CLRN1: variants seen among roughly 807,000 people sequenced by gnomAD.
CLRN1 encodes clarin 1.
Under a neutral mutation model 18.7 loss-of-function variants are expected in CLRN1, and 15 were observed. The ratio of observed to expected loss-of-function variants is 0.80; its 90% CI spans 0.54 to 1.23. The LOEUF is 1.23. Ranked by LOEUF, CLRN1 falls within the 50% of genes most tolerant of loss-of-function variation. The pLI, the probability that CLRN1 is intolerant of heterozygous loss-of-function variation, is 0.00. For synonymous variants in CLRN1, 104 were observed against 102.9 expected, an observed-to-expected ratio of 1.01 and a Z score of -0.07; for missense variants, 311 against 277.5, an observed-to-expected ratio of 1.12 and a Z score of -0.86.
At chr3:150,929,291 G>T (rs1023733942) in intron 2 of CLRN1, among the ~76,000 whole-genome samples, 1 of 152,144 alleles carries the variant, frequency 6.6e-6, no homozygotes, top group Non-Finnish European at 1.5e-5. Flanking sequence ...CCCGAAGATG[G>T]ACACTGGGAG....
rs377097195 is a variant in CLRN1 at position 150,934,233 on chromosome 3, C to G, written c.434-6032G>C. 3.8e-4 allele frequency among the ~76,000 whole-genome samples: 58 copies of G among 151,982 alleles called. 1 individual carries two copies. The South Asian group carries it at 0.012, about 31-fold the overall frequency. ...TTTGAACTGTTCTTTATTTTATTGT[C>G]TTTGTGTATATGAATGTGCTTATGT... On this transcript the variant is annotated intron_variant, in intron 2 of 2. Coordinates refer to ENST00000327047, the MANE Select transcript of CLRN1 (RefSeq NM_174878.3).
At chr3:150,964,291 C>G (rs542176013) in intron 1 of CLRN1, among the ~76,000 whole-genome samples, 1 of 151,958 alleles carries the variant, frequency 6.6e-6, no homozygotes, top group Admixed American at 6.6e-5. Flanking sequence ...ATACGGCCAA[C>G]AAACATGAAA....
intron 1 of CLRN1, among the ~76,000 whole-genome samples, chr3:150,955,078 T>C (rs922869508): frequency 1.3e-5 from 2 of 152,226 alleles, no homozygotes; most frequent in Admixed American, 6.5e-5. Flanking sequence ...AAAAAGATGC[T>C]GCTACTCACA....
chr3:150,938,134 G>C (rs1713603256), intron 2 of CLRN1, among the ~76,000 whole-genome samples: 1 of 152,130 alleles, frequency 6.6e-6, no homozygotes, highest in Admixed American at 6.6e-5. Context: ...AGGAGAAAAA[G>C]AGAAAAGAGG....
intron 2 of CLRN1, among the ~76,000 whole-genome samples, chr3:150,937,742 G>C (rs766635753): frequency 6.6e-6 from 1 of 152,192 alleles, no homozygotes; most frequent in African/African-American, 2.4e-5. Context: ...TAAACTGGAG[G>C]TTATGAGAGT....
intron 2 of CLRN1, among the ~76,000 whole-genome samples, chr3:150,937,125 T>C (rs1337975024): frequency 6.6e-6 from 1 of 152,224 alleles, no homozygotes; most frequent in Admixed American, 6.5e-5. Context: ...ATGATTTACC[T>C]CTTTAAGAAA....
At chr3:150,926,498 T>C (rs572714877), downstream of CLRN1, 6 of 416,416 alleles carry the variant, frequency 1.4e-5, no homozygotes, top group African/African-American at 8.1e-5. Flanking sequence ...AAATCCCCTT[T>C]GTGGCTAGAC....
rs982654822 is a variant in CLRN1, at chr3:150,927,725, A to G, written c.*211T>C. Reference sequence around the variant, plus strand: ...CTGCCTTTGACTACCTGGGTCAAGCAATTTCCCACCAGATAAAACAACTTT... The same window carrying G: ...CTGCCTTTGACTACCTGGGTCAAGCGATTTCCCACCAGATAAAACAACTTT... On this transcript the variant is annotated 3_prime_UTR_variant, in exon 3 of 3. Transcript: ENST00000327047. The G allele has an allele frequency of 1.4e-6, 1 of 711,652 alleles. No homozygotes were observed. Among genetic ancestry groups the G allele is most frequent in the African/African-American group, 1.7e-5 (1 of 57,268 alleles). The allele number at this position is 711,652 out of a possible 1,614,324, so 44.1% of individuals were successfully genotyped here. A position where few individuals can be genotyped will look rare whatever the true frequency, so the allele number is the denominator to read the frequency against.
intron 2 of CLRN1, among the ~76,000 whole-genome samples, chr3:150,931,172 T>C (rs1277196205): frequency 1.3e-5 from 2 of 152,222 alleles, no homozygotes; most frequent in Non-Finnish European, 2.9e-5. Context: ...AGACATGGGA[T>C]CAAGGATAAC....
At chr3:150,969,231 C>T (rs1398859587) in intron 1 of CLRN1, among the ~76,000 whole-genome samples, 1 of 135,502 alleles carries the variant, frequency 7.4e-6, no homozygotes, top group Non-Finnish European at 1.5e-5. Flanking sequence ...TTCCTTTTTA[C>T]TTTTGTTTTC....
intron 1 of CLRN1, chr3:150,942,515 ACATGTAT>A (rs950737926): frequency 6.4e-5 from 26 of 406,496 alleles, no homozygotes; most frequent in Non-Finnish European, 9.3e-5. Flanking sequence ...AGTTCCCCAA[ACATGTAT>A]CAAGTGCTTA....
intron 1 of CLRN1, among the ~76,000 whole-genome samples, chr3:150,950,273 C>T (rs916965440): frequency 2.6e-5 from 4 of 152,122 alleles, no homozygotes; most frequent in African/African-American, 9.7e-5. Context: ...ATGACAAAGA[C>T]ACCAAAAGCA....
rs750293604 is a variant in CLRN1 at position 150,928,202 on chromosome 3, C to G, written c.434-1G>C. 1 of 1,614,002 alleles carries G rather than the reference C, an allele frequency of 6.2e-7. No individual in the cohort carries two copies. The highest frequency in any genetic ancestry group is 8.5e-7 in the Non-Finnish European group (1 of 1,179,990). On this transcript the variant is annotated splice_acceptor_variant, in intron 2 of 2. Transcript: ENST00000327047. LOFTEE classifies it high-confidence loss of function. The stretch of plus-strand genomic sequence containing the variant: ...ATCATGACAAGACAGCCACAGGAGC[C>G]TGCAACAGAAGAAACAAGGTGTTGG...
intron 1 of CLRN1, among the ~76,000 whole-genome samples, chr3:150,948,352 C>T (rs934287750): frequency 2.0e-5 from 3 of 151,590 alleles, no homozygotes; most frequent in African/African-American, 4.9e-5. Flanking sequence ...GACGTGGTAG[C>T]GGGCGCCTGT....
intron 1 of CLRN1, among the ~76,000 whole-genome samples, chr3:150,965,801 G>A (rs559134014): frequency 2.8e-4 from 42 of 152,322 alleles, no homozygotes; most frequent in Admixed American, 2.6e-4. Flanking sequence ...ATGGGTGTGC[G>A]TGTGCACATG....
At chr3:150,932,758 G>A (rs563458895) in intron 2 of CLRN1, among the ~76,000 whole-genome samples, 4 of 152,330 alleles carry the variant, frequency 2.6e-5, no homozygotes, top group African/African-American at 9.6e-5. Context: ...AATAGAAGTT[G>A]TTCTGACTCT....
At chr3:150,972,814 A>G, upstream of CLRN1, 1 of 1,525,546 alleles carries the variant, frequency 6.6e-7, no homozygotes, top group Non-Finnish European at 9.0e-7. Flanking sequence ...CTGAACGGAC[A>G]GCTCCCAGCT....
At chr3:150,943,707 AT>A (rs1713990419) in intron 1 of CLRN1, 2 of 1,566,066 alleles carry the variant, frequency 1.3e-6, no homozygotes, top group African/African-American at 2.7e-5. Flanking sequence ...GCCACCCTAC[AT>A]GATGAAGCAA....
intron 1 of CLRN1, among the ~76,000 whole-genome samples, chr3:150,967,610 C>T (rs1715325685): frequency 6.6e-6 from 1 of 152,182 alleles, no homozygotes; most frequent in Admixed American, 6.5e-5. Context: ...CCTGCTTCCA[C>T]ACAGACCATA....
Sources: gnomAD v4.1 joint callset for allele counts (sites outside exome capture counted in the v4.1 genomes callset) on GRCh38, gnomAD v4.1.1 for gene constraint, MANE v1.5 for transcripts, NCBI Gene and HGNC (gene_info 2026-07-23, HGNC 2026-07-21) for gene names.